Variants in TBC1D32 observed in about 807,000 individuals in gnomAD.
The protein encoded by TBC1D32 is TBC1 domain family member 32, also known as protein broad-minded.
In TBC1D32, 151 loss-of-function variants were observed where a neutral mutation model predicts 170.3. The ratio of observed to expected loss-of-function variants is 0.89; its 90% confidence interval spans 0.78 to 1.01. The LOEUF is 1.01. Ranked by LOEUF, TBC1D32 falls within the 50% of genes least tolerant of loss-of-function variation. The pLI is 0.00. For synonymous variants in TBC1D32, 498 were observed against 488.0 expected (o/e 1.02, Z -0.27); for missense variants, 1,464 against 1,457.1 (o/e 1.00, Z -0.08).
intron 1 of TBC1D32, among the ~76,000 whole-genome samples, chr6:121,332,772 T>C (rs1036450553): frequency 2.0e-5 from 3 of 152,184 alleles, no homozygotes; most frequent in Admixed American, 6.5e-5. Flanking sequence ...AATAAATCTG[T>C]AGCTAACCAG....
chr6:121,259,525 A>G (rs1452729477), intron 15 of TBC1D32, among the ~76,000 whole-genome samples: 1 of 152,200 alleles, frequency 6.6e-6, no homozygotes, highest in Non-Finnish European at 1.5e-5. Context: ...CAGACTGAAC[A>G]TATACATTCA....
At chr6:121,252,552 C>T (rs1798434752) in intron 17 of TBC1D32, among the ~76,000 whole-genome samples, 2 of 152,070 alleles carry the variant, frequency 1.3e-5, no homozygotes, top group African/African-American at 4.8e-5. Flanking sequence ...GAGAATATCA[C>T]ACACCAGGGC....
At chr6:121,277,313 G>A (rs1802340760) in intron 15 of TBC1D32, among the ~76,000 whole-genome samples, 1 of 151,536 alleles carries the variant, frequency 6.6e-6, no homozygotes, top group South Asian at 2.1e-4. Flanking sequence ...CATGGTGAAA[G>A]CCCATCTCTA....
intron 15 of TBC1D32, among the ~76,000 whole-genome samples, chr6:121,270,116 T>C (rs1801148622): frequency 1.3e-5 from 2 of 151,544 alleles, no homozygotes; most frequent in Admixed American, 6.6e-5. Flanking sequence ...CAAAGCAGTA[T>C]GCAGAGGGAA....
intron 5 of TBC1D32, among the ~76,000 whole-genome samples, chr6:121,305,397 A>G (rs1332336416): frequency 6.6e-6 from 1 of 152,012 alleles, no homozygotes; most frequent in Non-Finnish European, 1.5e-5. Context: ...GCCTGGCACT[A>G]AGAGTTACTT....
At chr6:121,143,050 CTTATA>C (rs559232434) in intron 24 of TBC1D32, among the ~76,000 whole-genome samples, 231 of 152,148 alleles carry the variant, frequency 1.5e-3, no homozygotes, top group South Asian at 5.0e-3. Context: ...ATAACTAGTG[CTTATA>C]TTATAGTACT....
At chr6:121,241,206 A>G (rs574467495) in intron 19 of TBC1D32, among the ~76,000 whole-genome samples, 117 of 152,172 alleles carry the variant, frequency 7.7e-4, no homozygotes, top group Non-Finnish European at 1.1e-3. Flanking sequence ...GTTTCTCCTG[A>G]GTTCATTATT....
intron 3 of TBC1D32, among the ~76,000 whole-genome samples, chr6:121,313,711 T>C (rs1309557922): frequency 1.3e-5 from 2 of 152,144 alleles, no homozygotes; most frequent in African/African-American, 2.4e-5. Flanking sequence ...TAAAATCTTA[T>C]CAAGTGAGGG....
At chr6:121,089,935 TC>T (rs1231556812) in intron 31 of TBC1D32, among the ~76,000 whole-genome samples, 1 of 150,196 alleles carries the variant, frequency 6.7e-6, no homozygotes, top group Non-Finnish European at 1.5e-5. Context: ...GTTCAAAGAT[TC>T]TTTTTTTTTT....
At chr6:121,103,299 A>T (rs450762) in intron 30 of TBC1D32, among the ~76,000 whole-genome samples, 4 of 151,722 alleles carry the variant, frequency 2.6e-5, no homozygotes, top group Admixed American at 1.3e-4. Flanking sequence ...GTTTATAGCG[A>T]CACTATTCAC....
chr6:121,244,237 A>T (rs1797339252), intron 17 of TBC1D32, among the ~76,000 whole-genome samples: 1 of 152,120 alleles, frequency 6.6e-6, no homozygotes, highest in African/African-American at 2.4e-5. Context: ...ATTTTTTAGA[A>T]AATGTAATCA....
intron 1 of TBC1D32, among the ~76,000 whole-genome samples, chr6:121,325,552 G>C (rs1253749919): frequency 6.6e-6 from 1 of 152,152 alleles, no homozygotes; most frequent in Admixed American, 6.5e-5. Context: ...AAATGGTGTT[G>C]GGAAAACTGG....
chr6:121,329,454 C>T (rs1810916754), intron 1 of TBC1D32, among the ~76,000 whole-genome samples: 1 of 152,126 alleles, frequency 6.6e-6, no homozygotes, highest in Non-Finnish European at 1.5e-5. Flanking sequence ...GAGTTCAAGA[C>T]CAGCCTGACC....
chr6:121,283,925 T>C lies in TBC1D32; in HGVS notation c.1373-15A>G, dbSNP rs1443430053. 1.3e-6 allele frequency: 2 copies of C among 1,534,876 alleles called. No homozygotes were observed. Among genetic ancestry groups the C allele is most frequent in the Non-Finnish European group, 1.8e-6 (2 of 1,117,558 alleles). On this transcript the variant is annotated splice_polypyrimidine_tract_variant and intron_variant, in intron 12 of 31. Coordinates refer to ENST00000398212, the MANE Select transcript of TBC1D32 (RefSeq NM_152730.6). The stretch of plus-strand genomic sequence containing the variant: ...GGATACCAAACCTTTAAAAAGAAAA[T>C]AAAGAGAAAATTAATTTCTAGCATA...
intron 22 of TBC1D32, among the ~76,000 whole-genome samples, chr6:121,162,463 G>C (rs1264548838): frequency 1.3e-5 from 2 of 152,110 alleles, no homozygotes; most frequent in East Asian, 1.9e-4. Context: ...ATGAGCAAAA[G>C]CTGTGAGCAT....
At chr6:121,311,999 A>C (rs1019127629) in intron 3 of TBC1D32, among the ~76,000 whole-genome samples, 1 of 152,204 alleles carries the variant, frequency 6.6e-6, no homozygotes, top group African/African-American at 2.4e-5. Flanking sequence ...TGCGGCACAC[A>C]TACACCATGG....
At chr6:121,290,206 A>G (rs1293918020) in intron 12 of TBC1D32, among the ~76,000 whole-genome samples, 1 of 152,162 alleles carries the variant, frequency 6.6e-6, no homozygotes, top group African/African-American at 2.4e-5. Context: ...ATCAGAGTCA[A>G]TGGGCAACCT....
intron 15 of TBC1D32, among the ~76,000 whole-genome samples, chr6:121,275,218 T>A (rs575332275): frequency 5.9e-5 from 9 of 152,274 alleles, no homozygotes; most frequent in African/African-American, 1.9e-4. Flanking sequence ...AATGAACAAT[T>A]GACAATTTAG....
intron 24 of TBC1D32, among the ~76,000 whole-genome samples, chr6:121,149,134 C>T (rs1783870510): frequency 6.6e-6 from 1 of 151,862 alleles, no homozygotes; most frequent in Admixed American, 6.6e-5. Context: ...TGTTTAAGTT[C>T]TTTGTAGATT....
Sources: allele counts gnomAD v4.1 joint callset (sites outside exome capture counted in the v4.1 genomes callset), GRCh38; gene constraint gnomAD v4.1.1; transcripts MANE v1.5; gene names NCBI Gene and HGNC (gene_info 2026-07-23, HGNC 2026-07-21).